Variants in SVEP1 observed in about 807,000 individuals in gnomAD.
SVEP1 encodes sushi, von Willebrand factor type A, EGF and pentraxin domain containing 1, also known as sushi, von Willebrand factor type A, EGF and pentraxin domain-containing protein 1.
A neutral mutation model predicts 367.3 loss-of-function variants in SVEP1; 164 were observed. The ratio of observed to expected loss-of-function variants is 0.45; its 90% CI spans 0.39 to 0.51. SVEP1 has a LOEUF of 0.51. Ranked by LOEUF, SVEP1 falls within the 20% of genes least tolerant of loss-of-function variation. The pLI, the probability that SVEP1 is intolerant of heterozygous loss-of-function variation, is 0.00. For synonymous variants in SVEP1, 1,666 were observed against 1,611.6 expected, an observed-to-expected ratio of 1.03 and a Z score of -0.81; for missense variants, 4,117 against 4,425.3, an observed-to-expected ratio of 0.93 and a Z score of 1.98.
At chr9:110,540,563 G>C (rs762461078) in intron 3 of SVEP1, among the ~76,000 whole-genome samples, 17 of 152,070 alleles carry the variant, frequency 1.1e-4, no homozygotes, top group East Asian at 1.9e-4. Flanking sequence ...GGTTTCTTAA[G>C]GAGTAATGTA....
chr9:110,434,527 T>C, intron 29 of SVEP1, 21 bp from the exon 30 acceptor site: 4 of 1,607,842 alleles, frequency 2.5e-6, no homozygotes, highest in Non-Finnish European at 3.4e-6. Flanking sequence ...AGAACACAGG[T>C]GCAGAGCTTG....
At chr9:110,498,665 T>C (rs937696367) in intron 7 of SVEP1, among the ~76,000 whole-genome samples, 1 of 152,208 alleles carries the variant, frequency 6.6e-6, no homozygotes, top group African/African-American at 2.4e-5. Context: ...AAAATGGCAA[T>C]GTCCTCTTGT....
chr9:110,465,963 C>T lies in SVEP1; in HGVS notation c.3224G>A (p.Gly1075Asp), dbSNP rs1828930654. Residue 1075 changes from glycine to aspartate, a missense_variant, in exon 18 of 48, where the codon GGC (glycine) becomes GAC (aspartate). This residue lies in a region of SVEP1 where 2,174 missense variants were observed against 2,494.3 expected (regional missense o/e 0.87). Transcript: ENST00000374469. ...GGAACCAAATTTTGGCTGATAAGTG[C>T]CCAGTGGACACGATTCACAAGTCTC... ...GLETCESCPL[G>D]TYQPKFGSRS... 5 of 1,613,252 alleles carry T rather than the reference C, an allele frequency of 3.1e-6. No homozygotes were observed. The highest frequency in any genetic ancestry group is 1.3e-5 in the African/African-American group (1 of 75,014).
At chr9:110,476,092 T>A (rs1258588867) in intron 14 of SVEP1, 112 bp downstream of exon 14, 1 of 641,890 alleles carries the variant, frequency 1.6e-6, no homozygotes, top group Middle Eastern at 4.3e-4. Flanking sequence ...CCTAAAATAC[T>A]TGATGAATAA....
At chr9:110,443,767 G>T in intron 26 of SVEP1, 47 bp from the exon 27 acceptor site, 1 of 1,464,520 alleles carries the variant, frequency 6.8e-7, no homozygotes, top group African/African-American at 1.4e-5. Flanking sequence ...GCCATATGTT[G>T]CAATCCTTAC....
In SVEP1 at chr9:110,406,858, T is replaced by C. The variant is rs1827963123; in HGVS notation, c.8742A>G (p.Thr2914=). 1.9e-6 allele frequency: 3 copies of C among 1,614,006 alleles called. No homozygotes were observed. The highest frequency in any genetic ancestry group is 2.5e-6 in the Non-Finnish European group (3 of 1,179,890). Residue 2914 remains threonine (T), a synonymous_variant, in exon 38 of 48, where the codon ACA becomes ACG. Coordinates refer to ENST00000374469, the MANE Select transcript of SVEP1 (RefSeq NM_153366.4). The stretch of plus-strand genomic sequence containing the variant: ...AGATGTAGCCCTCGTGACAGTGGAA[T>C]GTTACTTCCTTCATGAAGCCATAGT... ...GLDYGFMKEV[T]FHCHEGYILH... is the part of the protein sequence containing the mutation.
chr9:110,530,522 A>C (rs1830004284), intron 3 of SVEP1, among the ~76,000 whole-genome samples: 1 of 152,002 alleles, frequency 6.6e-6, no homozygotes, highest in Non-Finnish European at 1.5e-5. Flanking sequence ...TTATTCATAC[A>C]TCAGTTTTTT....
chr9:110,451,082 A>G (rs568428680), intron 23 of SVEP1, among the ~76,000 whole-genome samples: 10 of 152,258 alleles, frequency 6.6e-5, no homozygotes, highest in African/African-American at 2.2e-4. Flanking sequence ...TTGCTGAACC[A>G]TTTGAGAGTA....
rs1351000865 is a variant in SVEP1 at position 110,429,231 on chromosome 9, T to C, written c.5719A>G (p.Ser1907Gly). The change falls in exon 35 of 48, where the codon AGT becomes GGT. Residue 1907 changes from serine to glycine, a missense_variant. Transcript: ENST00000374469. ...PPVCEPVKCS[S>G]PENINNGKYI... The stretch of plus-strand genomic sequence containing the variant: ...TTTCCATTATTTATATTTTCCGGAC[T>C]AGAACACTTCACTGGTTCACACACA... The C allele has an allele frequency of 1.3e-6, 2 of 1,596,300 alleles. No individual in the cohort carries two copies. Among genetic ancestry groups the C allele is most frequent in the Non-Finnish European group, 1.7e-6 (2 of 1,170,736 alleles).
chr9:110,396,382 C>T (rs1292421093), intron 40 of SVEP1, among the ~76,000 whole-genome samples: 1 of 151,978 alleles, frequency 6.6e-6, no homozygotes, highest in Non-Finnish European at 1.5e-5. Context: ...ACTAAATGCC[C>T]ACAAGAGAAA....
chr9:110,437,055 G>A (rs1828440826), intron 27 of SVEP1, among the ~76,000 whole-genome samples: 1 of 152,142 alleles, frequency 6.6e-6, no homozygotes. Flanking sequence ...GTCTGTGTCT[G>A]CACTGCCAGA....
intron 41 of SVEP1, among the ~76,000 whole-genome samples, chr9:110,388,840 A>G (rs1827568295): frequency 6.6e-6 from 1 of 152,138 alleles, no homozygotes; most frequent in Non-Finnish European, 1.5e-5. Flanking sequence ...ATGGTGGAGC[A>G]TGCCTGTAGC....
At chr9:110,503,311 A>T (rs1829569841) in intron 5 of SVEP1, 94 bp from the exon 6 acceptor site, 2 of 1,286,208 alleles carry the variant, frequency 1.6e-6, no homozygotes, top group African/African-American at 3.0e-5. Context: ...TGCAAGCAAG[A>T]CAATTTTCTT....
intron 30 of SVEP1, among the ~76,000 whole-genome samples, chr9:110,433,789 G>A (rs1285153124): frequency 6.6e-6 from 1 of 151,780 alleles, no homozygotes; most frequent in Non-Finnish European, 1.5e-5. Context: ...TATTTTCCTA[G>A]CCTCTTTTAT....
At chr9:110,374,653 A>AAAAACAAAAC (rs10587715) in intron 46 of SVEP1, among the ~76,000 whole-genome samples, 2 of 151,654 alleles carry the variant, frequency 1.3e-5, no homozygotes, top group African/African-American at 4.8e-5. Context: ...TCTGTTCTCA[A>AAAAACAAAAC]AAAACAAAAC....
chr9:110,504,517 T>C (rs1399308703), intron 5 of SVEP1, among the ~76,000 whole-genome samples: 1 of 152,224 alleles, frequency 6.6e-6, no homozygotes, highest in East Asian at 1.9e-4. Context: ...TCATGCACCA[T>C]GATGGTATAG....
chr9:110,383,600 C>T lies in SVEP1; in HGVS notation c.10237+2298G>A, dbSNP rs369968419. Among the ~76,000 whole-genome samples, 36 of 152,174 alleles carry T rather than the reference C, an allele frequency of 2.4e-4. No homozygotes were observed. In the South Asian group the frequency reaches 3.9e-3, roughly 17 times the overall value. ...ATCAGGAGGCATGGGATCAGGGACT[C>T]GCTTAACAAAGCGCTCTAGCTGCCC... On this transcript the variant is annotated intron_variant, in intron 43 of 47. Coordinates refer to ENST00000374469, the MANE Select transcript of SVEP1 (RefSeq NM_153366.4).
At chr9:110,441,370 C>G (rs1828507262) in intron 27 of SVEP1, among the ~76,000 whole-genome samples, 1 of 152,148 alleles carries the variant, frequency 6.6e-6, no homozygotes. Flanking sequence ...ATTAATCTCC[C>G]CAATCCATTT....
At chr9:110,516,207 T>G (rs1031850427) in intron 3 of SVEP1, among the ~76,000 whole-genome samples, 1 of 149,768 alleles carries the variant, frequency 6.7e-6, no homozygotes, top group African/African-American at 2.4e-5. Flanking sequence ...AAAATAAAAA[T>G]ATAATATACT....
Sources: gnomAD v4.1 joint callset for allele counts (sites outside exome capture counted in the v4.1 genomes callset) on GRCh38, gnomAD v4.1.1 for gene constraint, gnomAD v4.1.1 regional missense constraint, MANE v1.5 for transcripts, NCBI Gene and HGNC (gene_info 2026-07-23, HGNC 2026-07-21) for gene names.